Variants in PPP2R5C observed in about 807,000 individuals in gnomAD.
The protein encoded by PPP2R5C is serine/threonine-protein phosphatase 2A 56 kDa regulatory subunit gamma isoform.
In PPP2R5C, 7 loss-of-function variants were observed where a neutral mutation model predicts 68.9. The observed-to-expected ratio is 0.10, with a 90% CI of 0.06 to 0.19. The LOEUF (loss-of-function observed/expected upper bound fraction) is 0.19, where lower values mean the gene tolerates loss of function less well. Among genes scored for constraint, PPP2R5C ranks in the 10% least tolerant of loss-of-function variants. The pLI is 1.00. For synonymous variants in PPP2R5C, 210 were observed against 222.2 expected (o/e 0.95, Z 0.49); for missense variants, 348 against 641.3 (o/e 0.54, Z 4.94).
chr14:101,919,969 C>CCAAAAAAAAAAAAAAAAAAAAAAAAAAAA (rs775818748), intron 13 of PPP2R5C, among the ~76,000 whole-genome samples: 1 of 52,880 alleles, frequency 1.9e-5, no homozygotes, highest in East Asian at 6.0e-4. Context: ...AACTCCGTCT[C>CCAAAAAAAAAAAAAAAAAAAAAAAAAAAA]AAAAAAAAAA....
intron 13 of PPP2R5C, 54 bp downstream of exon 15, chr14:101,918,001 G>T: frequency 6.2e-7 from 1 of 1,609,510 alleles, no homozygotes; most frequent in South Asian, 1.1e-5. Context: ...CTTAAGAAAT[G>T]CACATTTTTG....
chr14:101,836,643 A>G (rs1872108838), intron 1 of PPP2R5C: 1 of 434,830 alleles, frequency 2.3e-6, no homozygotes, highest in African/African-American at 2.0e-5. Flanking sequence ...TTTCAGTTAC[A>G]TTTACCTTTA....
intron 3 of PPP2R5C, among the ~76,000 whole-genome samples, chr14:101,795,462 C>G (rs2140111982): frequency 6.6e-6 from 1 of 152,074 alleles, no homozygotes; most frequent in South Asian, 2.1e-4. Flanking sequence ...GAATTAATGC[C>G]TTCATTTAAC....
chr14:101,905,980 C>G (rs1457433188), intron 9 of PPP2R5C, among the ~76,000 whole-genome samples: 1 of 152,222 alleles, frequency 6.6e-6, no homozygotes, highest in African/African-American at 2.4e-5. Context: ...CTCCTCCCCA[C>G]TAGAATGTAA....
At chr14:101,844,707 A>G (rs893433545) in intron 1 of PPP2R5C, among the ~76,000 whole-genome samples, 1 of 152,230 alleles carries the variant, frequency 6.6e-6, no homozygotes, top group Admixed American at 6.5e-5. Flanking sequence ...TCACACCTCT[A>G]CACTGCTTTG....
chr14:101,887,412 C>T lies in PPP2R5C; in HGVS notation c.630-2825C>T, dbSNP rs1272329573. On this transcript the variant is annotated intron_variant, in intron 5 of 13. Transcript: ENST00000334743. ...ATCACCAGGATGTGTCACTACCTCACACCATCCTGGAGCCAGGAGCCACCG... is the reference window on the plus strand; with the variant it reads ...ATCACCAGGATGTGTCACTACCTCATACCATCCTGGAGCCAGGAGCCACCG... 2.0e-5 allele frequency among the ~76,000 whole-genome samples: 3 copies of T among 152,240 alleles called. No individual in the cohort carries two copies. In the East Asian group the frequency reaches 5.8e-4, roughly 29 times the overall value.
At position 101,876,611 on chromosome 14, in the gene PPP2R5C, A is replaced by T. The variant is rs543045984; in HGVS notation, c.295-5550A>T. On this transcript the variant is annotated intron_variant, in intron 2 of 13. Transcript: ENST00000334743. ...CATTCTAGTTTACATCTAATTTAAT[A>T]AATTTAGCAATTTGGAGAACATCTG... is the stretch of plus-strand genomic sequence containing the variant. Among the ~76,000 whole-genome samples, 18 of 152,350 alleles carry T rather than the reference A, an allele frequency of 1.2e-4. No individual in the cohort carries two copies. In the East Asian group the frequency reaches 3.5e-3, roughly 29 times the overall value.
chr14:101,801,631 A>G lies in PPP2R5C; in HGVS notation c.259+15448A>G, dbSNP rs146317908. On this transcript the variant is annotated intron_variant, in intron 3 of 14. Transcript: ENST00000328724. ...AAGATAGTTAGAAATGAAGTTATCA[A>G]GGAGAGAAAAGACTTGCACACTGCA... is the stretch of plus-strand genomic sequence containing the variant. 3.0e-3 allele frequency among the ~76,000 whole-genome samples: 462 copies of G among 152,376 alleles called. 3 individuals carry two copies. Among genetic ancestry groups the G allele is most frequent in the African/African-American group, 0.011 (446 of 41,588 alleles).
rs1260201979 is a variant in PPP2R5C at position 101,797,097 on chromosome 14, AT to A, written c.259+10916del. 2.2e-6 allele frequency: 1 copy of A among 452,820 alleles called. No homozygotes were observed. Among genetic ancestry groups the A allele is most frequent in the African/African-American group, 2.0e-5 (1 of 49,982 alleles). The allele number at this position is 452,820 out of a possible 1,614,324, so 28.1% of individuals were successfully genotyped here. Reference sequence around the variant, plus strand: ...TTAAACAGTAAGTGGCTGTCTCCCCATTCTGCTTTCTGTCTCTATGATTTTG... The same window carrying A: ...TTAAACAGTAAGTGGCTGTCTCCCCATCTGCTTTCTGTCTCTATGATTTTG... On this transcript the variant is annotated intron_variant, in intron 3 of 14. Coordinates refer to the PPP2R5C transcript ENST00000328724. The surrounding 1 kb of genome is among the most constrained non-coding windows in gnomAD (Gnocchi z 4.2).
chr14:101,860,250 T>G (rs1420882188), intron 2 of PPP2R5C, among the ~76,000 whole-genome samples: 1 of 152,228 alleles, frequency 6.6e-6, no homozygotes, highest in East Asian at 1.9e-4. Context: ...ACTGTTCATC[T>G]CTATGGATTT....
chr14:101,815,527 A>C (rs548773597), intron 1 of PPP2R5C, among the ~76,000 whole-genome samples: 1 of 152,278 alleles, frequency 6.6e-6, no homozygotes, highest in African/African-American at 2.4e-5. Flanking sequence ...CTCCTCCACA[A>C]AATCAGGAGT....
At chr14:101,875,019 G>A (rs908512584) in intron 2 of PPP2R5C, among the ~76,000 whole-genome samples, 3 of 152,058 alleles carry the variant, frequency 2.0e-5, no homozygotes, top group African/African-American at 7.2e-5. Flanking sequence ...GGATTACAGG[G>A]GTGAGCCACC....
chr14:101,858,497 GTTTGTTT>G lies in PPP2R5C; in HGVS notation c.294+1630_294+1636del, dbSNP rs562388149. 2.4e-3 allele frequency among the ~76,000 whole-genome samples: 356 copies of G among 150,822 alleles called. 1 individual carries two copies. Among genetic ancestry groups the G allele is most frequent in the Non-Finnish European group, 4.5e-3 (304 of 67,714 alleles). Reference sequence around the variant, plus strand: ...TAGGAGCATTCCAGTTTTTTTGTTTGTTTGTTTTTTGTTTTTTGTTTTTTTTTATGAT... The same window carrying G: ...TAGGAGCATTCCAGTTTTTTTGTTTGTTTGTTTTTTGTTTTTTTTTATGAT... On this transcript the variant is annotated intron_variant, in intron 2 of 13. Transcript: ENST00000334743.
intron 2 of PPP2R5C, among the ~76,000 whole-genome samples, chr14:101,778,407 TA>T (rs2037523424): frequency 6.6e-6 from 1 of 152,252 alleles, no homozygotes; most frequent in Non-Finnish European, 1.5e-5. Context: ...GTTTAATTTT[TA>T]TGAAGTCTGG....
intron 8 of PPP2R5C, among the ~76,000 whole-genome samples, chr14:101,898,324 G>C (rs1350209348): frequency 2.0e-5 from 3 of 152,066 alleles, no homozygotes; most frequent in Non-Finnish European, 4.4e-5. Context: ...ACAGACAGAG[G>C]CTGCTCCCAC....
chr14:101,889,942 G>A (rs2040484202), intron 5 of PPP2R5C: 3 of 525,798 alleles, frequency 5.7e-6, no homozygotes, highest in East Asian at 4.8e-5. Context: ...TCTGGTGGTT[G>A]AAATGGGTGT....
chr14:101,769,969 C>T, intron 2 of PPP2R5C, among the ~76,000 whole-genome samples: 1 of 152,162 alleles, frequency 6.6e-6, no homozygotes, highest in East Asian at 1.9e-4. Context: ...TATGGAATAG[C>T]CTGTCACTCC....
chr14:101,816,680 A>G (rs1031468960), intron 1 of PPP2R5C, among the ~76,000 whole-genome samples: 2 of 151,812 alleles, frequency 1.3e-5, no homozygotes, highest in African/African-American at 2.4e-5. Context: ...TGAAGTATTA[A>G]TAAGTGAAGG....
chr14:101,920,500 C>A (rs1364779137), intron 13 of PPP2R5C, among the ~76,000 whole-genome samples: 1 of 152,196 alleles, frequency 6.6e-6, no homozygotes, highest in Non-Finnish European at 1.5e-5. Flanking sequence ...GATATTCTTA[C>A]AACAGTGATT....
Sources: allele counts gnomAD v4.1 joint callset (sites outside exome capture counted in the v4.1 genomes callset), GRCh38; gene constraint gnomAD v4.1.1; non-coding constraint Gnocchi (gnomAD v3.1); transcripts MANE v1.5; gene names NCBI Gene and HGNC (gene_info 2026-07-23, HGNC 2026-07-21).